The following BLTP1 variants were observed in gnomAD, a reference collection of about 807,000 sequenced individuals.
BLTP1 encodes fragile site-associated protein.
chr4:122,273,984 GTTTC>G, the BLTP1 span, among the ~76,000 whole-genome samples: 1 of 151,930 alleles, frequency 6.6e-6, no homozygotes, highest in Non-Finnish European at 1.5e-5. Context: ...GGTTTATGTG[GTTTC>G]TTTTTCTTAT....
At chr4:122,325,239 A>G in the BLTP1 span, 1 of 1,602,866 alleles carries the variant, frequency 6.2e-7, no homozygotes, top group Non-Finnish European at 8.5e-7. Context: ...GTTCTCGAGT[A>G]GGAGAAACTG....
the BLTP1 span, chr4:122,249,921 G>A: frequency 2.5e-4 from 242 of 984,522 alleles, 1 homozygote; most frequent in African/African-American, 4.0e-3. Flanking sequence ...ATGTTTTTCC[G>A]AATAAATTCC....
At chr4:122,355,182 C>T in the BLTP1 span, among the ~76,000 whole-genome samples, 3 of 151,946 alleles carry the variant, frequency 2.0e-5, no homozygotes, top group South Asian at 2.1e-4. Flanking sequence ...TGTCCTAAAG[C>T]GTCTATTAGC....
chr4:122,222,473 A>G, the BLTP1 span, among the ~76,000 whole-genome samples: 1 of 152,214 alleles, frequency 6.6e-6, no homozygotes, highest in Non-Finnish European at 1.5e-5. Context: ...GTAACAAAGT[A>G]TCCTATGCTA....
the BLTP1 span, among the ~76,000 whole-genome samples, chr4:122,355,580 AAT>A: frequency 5.4e-5 from 8 of 147,458 alleles, no homozygotes. Context: ...TATATATATA[AAT>A]ATATGTATAT....
chr4:122,156,072 A>G, the BLTP1 span: 1 of 502,382 alleles, frequency 2.0e-6, no homozygotes, highest in Non-Finnish European at 2.6e-6. Context: ...TTACTGAGGT[A>G]GGAAGTGTAG....
the BLTP1 span, chr4:122,237,628 A>G: frequency 2.6e-6 from 2 of 763,970 alleles, no homozygotes; most frequent in Non-Finnish European, 3.2e-6. Flanking sequence ...AAAAAAATTC[A>G]CTGTTTATGG....
the BLTP1 span, chr4:122,221,131 A>G: frequency 1.3e-6 from 1 of 792,008 alleles, no homozygotes; most frequent in Non-Finnish European, 1.5e-6. Flanking sequence ...AAGACAAAGT[A>G]AAATTATAAA....
the BLTP1 span, chr4:122,344,508 A>T: frequency 1.2e-6 from 2 of 1,614,002 alleles, no homozygotes; most frequent in East Asian, 4.5e-5. Context: ...TTTGAAAGTC[A>T]GTCTGTAAGC....
At chr4:122,286,423 T>C in the BLTP1 span, 1 of 1,494,496 alleles carries the variant, frequency 6.7e-7, no homozygotes, top group South Asian at 1.4e-5. Context: ...TTTCATATAT[T>C]TCAAGATAGG....
At chr4:122,249,998 G>T in the BLTP1 span, 1,273 of 947,340 alleles carry the variant, frequency 1.3e-3, 10 homozygotes, top group African/African-American at 0.022. Context: ...TCTTTGGTCA[G>T]TAGAATTATG....
At chr4:122,286,836 G>C in the BLTP1 span, 1 of 1,460,018 alleles carries the variant, frequency 6.8e-7, no homozygotes, top group Non-Finnish European at 9.4e-7. Context: ...GAGTCTTCAA[G>C]ATTTATATGT....
the BLTP1 span, among the ~76,000 whole-genome samples, chr4:122,160,248 A>T: frequency 6.6e-6 from 1 of 152,192 alleles, no homozygotes; most frequent in Non-Finnish European, 1.5e-5. Flanking sequence ...ATTTACACTA[A>T]TACCACATGG....
the BLTP1 span, chr4:122,178,100 C>A: frequency 1.2e-6 from 1 of 869,472 alleles, no homozygotes; most frequent in Non-Finnish European, 1.4e-6. Flanking sequence ...CATTGAGAAA[C>A]ATCTTATAGA....
chr4:122,250,173 A>T, the BLTP1 span: 11 of 318,392 alleles, frequency 3.5e-5, no homozygotes, highest in South Asian at 1.3e-4. Context: ...TAACTACTAT[A>T]AATAATAGTA....
chr4:122,172,833 A>G, the BLTP1 span: 1 of 640,134 alleles, frequency 1.6e-6, no homozygotes, highest in Non-Finnish European at 1.9e-6. Flanking sequence ...GTAAACAGAA[A>G]TGAAAGCAGG....
At chr4:122,332,540 C>G in the BLTP1 span, among the ~76,000 whole-genome samples, 1 of 151,830 alleles carries the variant, frequency 6.6e-6, no homozygotes, top group Non-Finnish European at 1.5e-5. Context: ...AGGCATTAAC[C>G]AGTCTCGCTA....
At chr4:122,227,048 CAG>C in the BLTP1 span, 11 of 547,098 alleles carry the variant, frequency 2.0e-5, no homozygotes, top group African/African-American at 8.0e-5. Context: ...AAAAAAGAAA[CAG>C]AATTATAAAA....
the BLTP1 span, among the ~76,000 whole-genome samples, chr4:122,248,861 T>A: frequency 2.4e-4 from 37 of 152,176 alleles, 2 homozygotes; most frequent in South Asian, 7.5e-3. Context: ...TATAAACAAG[T>A]TCTCCTTGAA....
Sources: gnomAD v4.1 joint callset for allele counts (sites outside exome capture counted in the v4.1 genomes callset) on GRCh38, gnomAD v4.1.1 for gene constraint, MANE v1.5 for transcripts, NCBI Gene and HGNC (gene_info 2026-07-23, HGNC 2026-07-21) for gene names.